SLC4A4: variants seen among roughly 807,000 people sequenced by gnomAD.
The protein encoded by SLC4A4 is electrogenic sodium bicarbonate cotransporter 1.
A neutral mutation model predicts 111.5 loss-of-function variants in SLC4A4; 27 were observed. The observed-to-expected ratio is 0.24, with a 90% confidence interval of 0.18 to 0.33. The LOEUF (loss-of-function observed/expected upper bound fraction) is 0.33, where lower values mean the gene tolerates loss of function less well. Among genes scored for constraint, SLC4A4 ranks in the 10% least tolerant of loss-of-function variants. The pLI, the probability that SLC4A4 is intolerant of heterozygous loss-of-function variation, is 1.00. For synonymous variants in SLC4A4, 443 were observed against 463.4 expected (o/e 0.96, Z 0.57); for missense variants, 909 against 1,315.5 (o/e 0.69, Z 4.78).
At chr4:71,361,280 A>G (rs914255665) in intron 6 of SLC4A4, among the ~76,000 whole-genome samples, 4 of 152,196 alleles carry the variant, frequency 2.6e-5, no homozygotes, top group Non-Finnish European at 5.9e-5. Context: ...CTACCAGCAC[A>G]CTACTGTCTT....
intron 3 of SLC4A4, among the ~76,000 whole-genome samples, chr4:71,265,498 A>G (rs1722175293): frequency 1.3e-5 from 2 of 152,212 alleles, no homozygotes; most frequent in Admixed American, 1.3e-4. Flanking sequence ...ATTCTGAGAA[A>G]GAAGCAGAGG....
chr4:71,281,678 T>A (rs1469628024), intron 3 of SLC4A4, among the ~76,000 whole-genome samples: 1 of 152,242 alleles, frequency 6.6e-6, no homozygotes, highest in Non-Finnish European at 1.5e-5. Context: ...TGTAACGTGT[T>A]AGGGAAATTC....
rs73826258 is a variant in SLC4A4, at chr4:71,345,657, A to G, written c.390-4255A>G. ...AAGTACCTGATTTAAGGGCATGGCC[A>G]TTAAGCACCAACATGTGCACTTATA... On this transcript the variant is annotated intron_variant, in intron 4 of 25. Coordinates refer to ENST00000264485, the MANE Select transcript of SLC4A4 (RefSeq NM_001098484.3). Among the ~76,000 whole-genome samples, 1,201 of 152,240 alleles carry G rather than the reference A, an allele frequency of 7.9e-3. 17 individuals are homozygous for G. Among genetic ancestry groups the G allele is most frequent in the African/African-American group, 0.026 (1,064 of 41,548 alleles).
At chr4:71,407,890 C>T (rs1242889762) in intron 7 of SLC4A4, among the ~76,000 whole-genome samples, 6 of 151,978 alleles carry the variant, frequency 3.9e-5, no homozygotes, top group African/African-American at 1.5e-4. Context: ...ACTTAATTTA[C>T]AGATCTTCAC....
intron 7 of SLC4A4, among the ~76,000 whole-genome samples, chr4:71,431,084 T>C (rs1468165644): frequency 6.6e-6 from 1 of 152,118 alleles, no homozygotes; most frequent in African/African-American, 2.4e-5. Flanking sequence ...CCTCAGCCCC[T>C]CAGGCACTTT....
intron 14 of SLC4A4, among the ~76,000 whole-genome samples, chr4:71,474,642 T>C (rs2149111099): frequency 6.6e-6 from 1 of 151,982 alleles, no homozygotes; most frequent in East Asian, 2.0e-4. Flanking sequence ...ATTGTTGGGC[T>C]GTGTGCTCAT....
At chr4:71,371,475 C>A (rs1731873988) in intron 6 of SLC4A4, among the ~76,000 whole-genome samples, 1 of 152,000 alleles carries the variant, frequency 6.6e-6, no homozygotes, top group Non-Finnish European at 1.5e-5. Flanking sequence ...AACTCCTGAC[C>A]TCAGGTGATC....
At chr4:71,520,437 A>T (rs747309869) in intron 16 of SLC4A4, among the ~76,000 whole-genome samples, 5 of 152,220 alleles carry the variant, frequency 3.3e-5, no homozygotes, top group Non-Finnish European at 7.3e-5. Context: ...TCAAGTACAG[A>T]TTAGTGCTGC....
chr4:71,500,077 C>T (rs1730770674), intron 16 of SLC4A4, among the ~76,000 whole-genome samples: 1 of 152,192 alleles, frequency 6.6e-6, no homozygotes, highest in Non-Finnish European at 1.5e-5. Context: ...TTCTCCACAT[C>T]ATCACCAACA....
intron 6 of SLC4A4, among the ~76,000 whole-genome samples, chr4:71,378,526 C>G (rs981780422): frequency 3.3e-5 from 5 of 152,116 alleles, no homozygotes; most frequent in Non-Finnish European, 7.4e-5. Flanking sequence ...GTCTTTCATG[C>G]AAATATACAG....
At chr4:71,332,485 C>T (rs939446125) in intron 3 of SLC4A4, among the ~76,000 whole-genome samples, 2 of 149,560 alleles carry the variant, frequency 1.3e-5, no homozygotes, top group Non-Finnish European at 3.0e-5. Context: ...CGTTCTGTCG[C>T]CCAGGCGGGA....
chr4:71,100,685 T>C (rs982291103), intron 2 of SLC4A4, among the ~76,000 whole-genome samples: 3 of 152,202 alleles, frequency 2.0e-5, no homozygotes, highest in African/African-American at 7.2e-5. Context: ...CATAATACTG[T>C]ATCTAGAAAA....
chr4:71,507,315 C>A (rs1731507961), intron 16 of SLC4A4, among the ~76,000 whole-genome samples: 1 of 152,082 alleles, frequency 6.6e-6, no homozygotes, highest in Non-Finnish European at 1.5e-5. Flanking sequence ...GCATAACAAA[C>A]CAAGACTCAT....
At chr4:71,161,367 GT>G (rs957479739) in intron 2 of SLC4A4, among the ~76,000 whole-genome samples, 3 of 152,148 alleles carry the variant, frequency 2.0e-5, no homozygotes, top group Non-Finnish European at 2.9e-5. Context: ...CTATTGTTGT[GT>G]TTTACTGAGG....
At chr4:71,279,716 GCTGT>G (rs1723357259) in intron 3 of SLC4A4, among the ~76,000 whole-genome samples, 1 of 152,124 alleles carries the variant, frequency 6.6e-6, no homozygotes, top group Admixed American at 6.6e-5. Flanking sequence ...TTCTATAATG[GCTGT>G]CTAATTTATA....
intron 2 of SLC4A4, among the ~76,000 whole-genome samples, chr4:71,095,551 C>G (rs1270852397): frequency 1.3e-5 from 2 of 152,212 alleles, no homozygotes; most frequent in African/African-American, 4.8e-5. Flanking sequence ...CTCAACTGCG[C>G]ATTGCCTGCA....
At chr4:71,144,832 T>A (rs1744118385) in intron 2 of SLC4A4, among the ~76,000 whole-genome samples, 1 of 152,228 alleles carries the variant, frequency 6.6e-6, no homozygotes, top group South Asian at 2.1e-4. Flanking sequence ...GCTTATCAGC[T>A]TAAGGGGATT....
chr4:71,111,533 T>TTTTTTGTTTTTCG (rs1560725494), intron 2 of SLC4A4, among the ~76,000 whole-genome samples: 13 of 132,392 alleles, frequency 9.8e-5, no homozygotes, highest in African/African-American at 3.7e-4. Context: ...GGTTTTTTTT[T>TTTTTTGTTTTTCG]TTTTTTTTTT....
intron 3 of SLC4A4, among the ~76,000 whole-genome samples, chr4:71,306,776 C>A (rs570053323): frequency 6.6e-6 from 1 of 152,230 alleles, no homozygotes; most frequent in East Asian, 1.9e-4. Context: ...AACTCAGTTA[C>A]CTGCAAAAAT....
Sources: gnomAD v4.1 joint callset for allele counts (sites outside exome capture counted in the v4.1 genomes callset) on GRCh38, gnomAD v4.1.1 for gene constraint, MANE v1.5 for transcripts, NCBI Gene and HGNC (gene_info 2026-07-23, HGNC 2026-07-21) for gene names.